The following COL22A1 variants were observed in gnomAD, a reference collection of about 807,000 sequenced individuals.
COL22A1 encodes collagen type XXII alpha 1 chain.
COL22A1 carries 221 observed loss-of-function variants against 248.9 expected under a neutral mutation model. The ratio of observed to expected loss-of-function variants is 0.89; its 90% confidence interval spans 0.80 to 0.99. COL22A1 has a LOEUF of 0.99. COL22A1 is among the 50% of genes least tolerant of loss of function. The pLI, the probability that COL22A1 is intolerant of heterozygous loss-of-function variation, is 0.00. For synonymous variants in COL22A1, 891 were observed against 793.4 expected (o/e 1.12, Z -2.07); for missense variants, 2,240 against 2,179.0 (o/e 1.03, Z -0.56).
intron 3 of COL22A1, among the ~76,000 whole-genome samples, chr8:138,851,152 T>G (rs969951838): frequency 3.3e-5 from 5 of 152,102 alleles, no homozygotes; most frequent in African/African-American, 1.2e-4. Context: ...TGATGGGGCT[T>G]TGGGAGCGGG....
intron 22 of COL22A1, among the ~76,000 whole-genome samples, chr8:138,738,319 TA>T (rs1831284931): frequency 6.6e-6 from 1 of 152,048 alleles, no homozygotes; most frequent in African/African-American, 2.4e-5. Flanking sequence ...TAAATAGGGG[TA>T]AGGTGTGTGT....
chr8:138,685,348 A>G, intron 37 of COL22A1, 36 bp from the exon 38 acceptor site: 1 of 1,558,290 alleles, frequency 6.4e-7, no homozygotes, highest in Non-Finnish European at 8.8e-7. Flanking sequence ...AGGGTCAATT[A>G]CACTCAGCAC....
At chr8:138,670,571 G>A (rs1370667444) in intron 41 of COL22A1, among the ~76,000 whole-genome samples, 1 of 152,026 alleles carries the variant, frequency 6.6e-6, no homozygotes, top group African/African-American at 2.4e-5. Context: ...CAAAGGAACT[G>A]GACTAAAGCA....
chr8:138,814,680 G>A (rs1034129896), intron 7 of COL22A1, among the ~76,000 whole-genome samples: 3 of 152,158 alleles, frequency 2.0e-5, no homozygotes, highest in East Asian at 3.9e-4. Context: ...AGCAGCTTGA[G>A]GGCAGCCCAG....
intron 18 of COL22A1, 117 bp from the exon 19 acceptor site, chr8:138,755,946 A>G: frequency 1.2e-6 from 1 of 805,864 alleles, no homozygotes; most frequent in Non-Finnish European, 2.1e-6. Context: ...CCTGTGCACC[A>G]CCACACATAT....
intron 39 of COL22A1, among the ~76,000 whole-genome samples, chr8:138,682,449 G>A (rs1826036695): frequency 6.6e-6 from 1 of 152,200 alleles, no homozygotes; most frequent in African/African-American, 2.4e-5. Context: ...GAATATGCAT[G>A]TCAAATGAAA....
At chr8:138,784,175 G>A (rs1003342127) in intron 12 of COL22A1, among the ~76,000 whole-genome samples, 2 of 152,230 alleles carry the variant, frequency 1.3e-5, no homozygotes, top group African/African-American at 4.8e-5. Flanking sequence ...ACTGGCAAGT[G>A]TTGTATTTAG....
At chr8:138,680,678 C>T (rs545212289) in intron 39 of COL22A1, among the ~76,000 whole-genome samples, 1 of 152,308 alleles carries the variant, frequency 6.6e-6, no homozygotes, top group East Asian at 1.9e-4. Flanking sequence ...ATCTCTTTCT[C>T]CACCTCTCCC....
chr8:138,690,731 C>T, intron 36 of COL22A1, 90 bp downstream of exon 36: 2 of 1,012,576 alleles, frequency 2.0e-6, no homozygotes, highest in Non-Finnish European at 2.9e-6. Context: ...TCCCCTTACT[C>T]CCATGTATCC....
rs1299855344 is a variant in COL22A1 at position 138,794,282 on chromosome 8, GA to G, written c.1596+2536del. Among the ~76,000 whole-genome samples, 11 of 152,132 alleles carry G rather than the reference GA, an allele frequency of 7.2e-5. No homozygotes were observed. In the East Asian group the frequency reaches 1.2e-3, roughly 16 times the overall value. ...CACGCCTGTAGTCCCAGCTACTCAG[GA>G]GGCTGAGGCAGGAGAATCACTTGAA... On this transcript the variant is annotated intron_variant, in intron 12 of 64. Coordinates refer to ENST00000303045, the MANE Select transcript of COL22A1 (RefSeq NM_152888.3).
chr8:138,632,405 G>C (rs1028015336), intron 49 of COL22A1, among the ~76,000 whole-genome samples: 3 of 152,156 alleles, frequency 2.0e-5, no homozygotes, highest in Non-Finnish European at 2.9e-5. Flanking sequence ...CCAGAGAAAT[G>C]CTAAGGGCTG....
intron 18 of COL22A1, among the ~76,000 whole-genome samples, chr8:138,758,374 A>G (rs1333759247): frequency 6.6e-6 from 1 of 152,206 alleles, no homozygotes; most frequent in East Asian, 1.9e-4. Context: ...ATTGTTTCCA[A>G]CTACTAAGTT....
intron 21 of COL22A1, among the ~76,000 whole-genome samples, chr8:138,754,194 G>A (rs949984665): frequency 2.0e-5 from 3 of 152,174 alleles, no homozygotes; most frequent in African/African-American, 7.2e-5. Flanking sequence ...ATACATGTAT[G>A]TATGCATAGA....
At chr8:138,617,110 G>T in intron 53 of COL22A1, 152 bp from the exon 54 acceptor site, 2 of 775,740 alleles carry the variant, frequency 2.6e-6, no homozygotes, top group South Asian at 1.6e-5. Context: ...GCCATGCTCG[G>T]TGCCAGAGGT....
chr8:138,589,564 C>T lies in COL22A1; in HGVS notation c.4694-124G>A, dbSNP rs144391800. ...CTGAAACGTCCTCAGACAGAGCATCCCCATGGTCTGGGAGCTCTGAGCAAC... is the reference window on the plus strand; with the variant it reads ...CTGAAACGTCCTCAGACAGAGCATCTCCATGGTCTGGGAGCTCTGAGCAAC... On this transcript the variant is annotated intron_variant, in intron 64 of 64. Transcript: ENST00000303045. 39 of 749,334 alleles carry T rather than the reference C, an allele frequency of 5.2e-5. No individual in the cohort carries two copies. In the African/African-American group the frequency reaches 6.3e-4, roughly 12 times the overall value. 46.4% of individuals were successfully genotyped at this position (749,334 alleles called of 1,614,324 possible). A position where few individuals can be genotyped will look rare whatever the true frequency, so the allele number is the denominator to read the frequency against.
chr8:138,747,553 C>T (rs568839047), intron 22 of COL22A1, among the ~76,000 whole-genome samples: 54 of 152,276 alleles, frequency 3.5e-4, no homozygotes, highest in African/African-American at 4.8e-4. Context: ...CTGTCAGGCT[C>T]TTCCCCAGCT....
chr8:138,824,806 G>A (rs532604136), intron 6 of COL22A1, among the ~76,000 whole-genome samples: 21 of 152,288 alleles, frequency 1.4e-4, no homozygotes, highest in Admixed American at 2.0e-4. Flanking sequence ...GTGGAAGTGC[G>A]CATCATTGGC....
At chr8:138,671,159 C>G (rs1303283402) in intron 41 of COL22A1, among the ~76,000 whole-genome samples, 1 of 151,750 alleles carries the variant, frequency 6.6e-6, no homozygotes, top group Non-Finnish European at 1.5e-5. Context: ...GCCAAATGAC[C>G]CAGTGGCCTA....
At chr8:138,834,931 G>A (rs551266422) in intron 4 of COL22A1, among the ~76,000 whole-genome samples, 83 of 152,242 alleles carry the variant, frequency 5.5e-4, no homozygotes, top group Non-Finnish European at 1.1e-3. Flanking sequence ...GAACTTGTGG[G>A]GACCCCAGAA....
Sources: gnomAD v4.1 joint callset for allele counts (sites outside exome capture counted in the v4.1 genomes callset) on GRCh38, gnomAD v4.1.1 for gene constraint, MANE v1.5 for transcripts, NCBI Gene and HGNC (gene_info 2026-07-23, HGNC 2026-07-21) for gene names.